Variants in KLF8 observed in about 807,000 individuals in gnomAD.
KLF8 encodes KLF transcription factor 8.
In KLF8, 10 loss-of-function variants were observed where a neutral mutation model predicts 18.2. The observed-to-expected ratio is 0.55, with a 90% CI of 0.34 to 0.93. The LOEUF (loss-of-function observed/expected upper bound fraction) is 0.93. Among genes scored for constraint, KLF8 ranks in the 40% least tolerant of loss-of-function variants. KLF8 has a pLI of 0.02. For synonymous variants in KLF8, 109 were observed against 97.3 expected (o/e 1.12, Z -0.71); for missense variants, 264 against 277.9 (o/e 0.95, Z 0.36).
At position 56,282,764 on chromosome X, in the gene KLF8, C is replaced by T. The variant is rs183903195; in HGVS notation, c.899-1549C>T. 1.2e-4 allele frequency among the ~76,000 whole-genome samples: 13 copies of T among 111,752 alleles called. No homozygotes were observed. The East Asian group carries it at 3.4e-3, about 29-fold the overall frequency. On this transcript the variant is annotated intron_variant, in intron 5 of 5. Transcript: ENST00000468660. Reference sequence around the variant, plus strand: ...TTCTGATTGTAAAATAATACATGCTCATTGTAGAAGATGGGAAACAGAAAA... The same window carrying T: ...TTCTGATTGTAAAATAATACATGCTTATTGTAGAAGATGGGAAACAGAAAA...
At chrX:55,938,413 CA>C in the KLF8 span, among the ~76,000 whole-genome samples, 1 of 111,688 alleles carries the variant, frequency 9.0e-6, no homozygotes, top group South Asian at 3.8e-4. Context: ...CCAGCCACTG[CA>C]AAAACATGCC....
At chrX:55,975,415 A>C in the KLF8 span, among the ~76,000 whole-genome samples, 2 of 110,627 alleles carry the variant, frequency 1.8e-5, no homozygotes, top group South Asian at 3.9e-4. Flanking sequence ...TTTATTAATA[A>C]ATTTCTTTAT....
Position 56,233,309 on chromosome X carries a change from C to A in KLF8, c.-26C>A, listed in dbSNP as rs1230526157. 1 of 1,204,297 alleles carries A rather than the reference C, an allele frequency of 8.3e-7. No homozygotes were observed. Among genetic ancestry groups the A allele is most frequent in the Non-Finnish European group, 1.1e-6 (1 of 890,522 alleles). ...CCCGGAGGACGGCATGAGTTCTGGACACTTCAGGAGTCCTCAGCTAGTGAC... is the reference window on the plus strand; with the variant it reads ...CCCGGAGGACGGCATGAGTTCTGGAAACTTCAGGAGTCCTCAGCTAGTGAC... On this transcript the variant is annotated 5_prime_UTR_variant, in exon 1 of 6. Transcript: ENST00000468660.
At chrX:56,277,359 T>A (rs1033490277) in intron 5 of KLF8, among the ~76,000 whole-genome samples, 2 of 112,261 alleles carry the variant, frequency 1.8e-5, no homozygotes, top group Admixed American at 1.9e-4. Flanking sequence ...CATCTCTGCA[T>A]TAGGGGACAC....
chrX:56,212,221 C>T, the KLF8 span, among the ~76,000 whole-genome samples: 1 of 111,506 alleles, frequency 9.0e-6, no homozygotes, highest in African/African-American at 3.3e-5. Flanking sequence ...TCTTCTCTCT[C>T]CTCTCCTCAA....
intron 3 of KLF8, chrX:56,268,894 T>C: frequency 1.1e-6 from 1 of 939,334 alleles, no homozygotes; most frequent in Non-Finnish European, 1.3e-6. Context: ...TTTCATCTCA[T>C]TGACTTATTT....
chrX:56,080,924 C>T, the KLF8 span, among the ~76,000 whole-genome samples: 3 of 111,239 alleles, frequency 2.7e-5, no homozygotes, highest in South Asian at 1.1e-3. Flanking sequence ...GATACCCTTT[C>T]TTCCAGTTGA....
At chrX:56,005,714 G>A in the KLF8 span, among the ~76,000 whole-genome samples, 1 of 112,101 alleles carries the variant, frequency 8.9e-6, no homozygotes, top group Non-Finnish European at 1.9e-5. Flanking sequence ...GCAGAGGAGA[G>A]GAGGTGAGGT....
chrX:56,099,092 T>G, the KLF8 span, among the ~76,000 whole-genome samples: 1 of 112,232 alleles, frequency 8.9e-6, no homozygotes, highest in African/African-American at 3.2e-5. Flanking sequence ...AAACACCACA[T>G]GCTAACAGGT....
chrX:56,044,331 AC>A, the KLF8 span, among the ~76,000 whole-genome samples: 1 of 112,092 alleles, frequency 8.9e-6, no homozygotes, highest in African/African-American at 3.2e-5. Context: ...TTTCTGGGAG[AC>A]AAAGTGTGTT....
At chrX:56,108,699 T>C in the KLF8 span, among the ~76,000 whole-genome samples, 1 of 112,091 alleles carries the variant, frequency 8.9e-6, no homozygotes, top group Non-Finnish European at 1.9e-5. Context: ...TGTTTACCTC[T>C]GTTCTGATCT....
chrX:56,092,649 C>T, the KLF8 span, among the ~76,000 whole-genome samples: 1 of 109,919 alleles, frequency 9.1e-6, no homozygotes, highest in African/African-American at 3.3e-5. Context: ...CTGTTTTATA[C>T]TAATACTATT....
chrX:56,204,960 G>T, the KLF8 span, among the ~76,000 whole-genome samples: 65 of 110,818 alleles, frequency 5.9e-4, no homozygotes, highest in Admixed American at 2.5e-3. Flanking sequence ...CCCCACCTTT[G>T]TTCTAATTTT....
chrX:56,219,647 T>G, the KLF8 span, among the ~76,000 whole-genome samples: 1 of 111,893 alleles, frequency 8.9e-6, no homozygotes, highest in African/African-American at 3.2e-5. Context: ...CTTCTCCCAC[T>G]TTTTCCCATC....
chrX:56,223,899 T>C, the KLF8 span, among the ~76,000 whole-genome samples: 1 of 111,688 alleles, frequency 9.0e-6, no homozygotes, highest in Non-Finnish European at 1.9e-5. Context: ...TAAGAGATTT[T>C]AGTTTTTATC....
At chrX:56,053,543 T>G in the KLF8 span, among the ~76,000 whole-genome samples, 1 of 67,176 alleles carries the variant, frequency 1.5e-5, no homozygotes, top group Non-Finnish European at 2.7e-5. Context: ...GTCTTTTCTT[T>G]GTTTTTTTTT....
the KLF8 span, among the ~76,000 whole-genome samples, chrX:56,137,426 TA>T: frequency 9.6e-5 from 10 of 104,075 alleles, no homozygotes; most frequent in Non-Finnish European, 1.8e-4. Context: ...TATGCAGCCA[TA>T]AAAAATGATG....
At chrX:56,024,984 C>T in the KLF8 span, among the ~76,000 whole-genome samples, 2 of 112,206 alleles carry the variant, frequency 1.8e-5, no homozygotes, top group South Asian at 7.4e-4. Flanking sequence ...CAATATTGTC[C>T]AATAATTGAG....
At chrX:56,215,450 T>C in the KLF8 span, among the ~76,000 whole-genome samples, 1 of 110,666 alleles carries the variant, frequency 9.0e-6, no homozygotes, top group Non-Finnish European at 1.9e-5. Flanking sequence ...AAAACAAGAC[T>C]TGAGGTCTCC....
Sources: allele counts gnomAD v4.1 joint callset (sites outside exome capture counted in the v4.1 genomes callset), GRCh38; gene constraint gnomAD v4.1.1; transcripts MANE v1.5; gene names NCBI Gene and HGNC (gene_info 2026-07-23, HGNC 2026-07-21).